The following ARHGAP42 variants were observed in gnomAD, a reference collection of about 807,000 sequenced individuals.
ARHGAP42 encodes Rho GTPase activating protein 42.
In ARHGAP42, 63 loss-of-function variants were observed where a neutral mutation model predicts 125.0. That is an observed-to-expected ratio of 0.50 (90% CI 0.41 to 0.62). ARHGAP42 has a LOEUF of 0.62. ARHGAP42 is among the 20% of genes least tolerant of loss of function. ARHGAP42 has a pLI of 0.00. For missense variants in ARHGAP42, 766 were observed against 1,024.2 expected, an observed-to-expected ratio of 0.75 and a Z score of 3.44; for synonymous variants, 339 against 351.0, an observed-to-expected ratio of 0.97 and a Z score of 0.38.
chr11:100,780,908 G>T (rs1863296430), intron 2 of ARHGAP42, among the ~76,000 whole-genome samples: 3 of 152,274 alleles, frequency 2.0e-5, no homozygotes, highest in South Asian at 4.1e-4. Context: ...AGGCATTGTT[G>T]GGTGCCTATT....
intron 21 of ARHGAP42, among the ~76,000 whole-genome samples, chr11:100,978,136 A>G (rs1472284093): frequency 6.6e-6 from 1 of 152,180 alleles, no homozygotes; most frequent in Non-Finnish European, 1.5e-5. Context: ...AGATGAGAGA[A>G]TATAAACTCC....
chr11:100,975,437 T>C (rs1356560901), intron 19 of ARHGAP42, among the ~76,000 whole-genome samples: 3 of 152,198 alleles, frequency 2.0e-5, no homozygotes, highest in Non-Finnish European at 2.9e-5. Flanking sequence ...ATTTTTCTTA[T>C]AACTTGCTTT....
chr11:100,971,506 G>T (rs1181643241), intron 17 of ARHGAP42, among the ~76,000 whole-genome samples: 2 of 152,084 alleles, frequency 1.3e-5, no homozygotes, highest in African/African-American at 2.4e-5. Context: ...ATGGTGAGTG[G>T]TGGGAGTCTG....
At chr11:100,715,544 T>C (rs1861645561) in intron 1 of ARHGAP42, among the ~76,000 whole-genome samples, 1 of 152,212 alleles carries the variant, frequency 6.6e-6, no homozygotes, top group African/African-American at 2.4e-5. Flanking sequence ...AAAGTTGCTT[T>C]GCTTAACTTG....
intron 5 of ARHGAP42, among the ~76,000 whole-genome samples, chr11:100,917,501 T>A (rs551874981): frequency 8.5e-5 from 13 of 152,130 alleles, no homozygotes; most frequent in Non-Finnish European, 1.6e-4. Context: ...CTCACCCTCT[T>A]TTCCCAAATT....
intron 1 of ARHGAP42, among the ~76,000 whole-genome samples, chr11:100,733,525 T>C (rs1264082213): frequency 2.0e-5 from 3 of 152,128 alleles, no homozygotes; most frequent in Admixed American, 2.0e-4. Context: ...TTTGTATATT[T>C]AAAATGCACT....
chr11:100,746,940 G>A (rs1862320440), intron 1 of ARHGAP42, among the ~76,000 whole-genome samples: 1 of 152,150 alleles, frequency 6.6e-6, no homozygotes, highest in African/African-American at 2.4e-5. Flanking sequence ...CTTGACTTGG[G>A]TGTGATGTGT....
chr11:100,945,609 A>C (rs1867995513), intron 10 of ARHGAP42, among the ~76,000 whole-genome samples: 1 of 152,120 alleles, frequency 6.6e-6, no homozygotes, highest in Admixed American at 6.6e-5. Flanking sequence ...ATTATTCTCC[A>C]TTTAAATCTC....
chr11:100,722,582 T>C (rs1299246364), intron 1 of ARHGAP42, among the ~76,000 whole-genome samples: 1 of 151,936 alleles, frequency 6.6e-6, no homozygotes, highest in East Asian at 1.9e-4. Flanking sequence ...TAGAGACGGG[T>C]TTCACCATGT....
intron 3 of ARHGAP42, among the ~76,000 whole-genome samples, chr11:100,795,809 C>T (rs1863696551): frequency 6.6e-6 from 1 of 152,142 alleles, no homozygotes; most frequent in Non-Finnish European, 1.5e-5. Context: ...TAGTATATAT[C>T]CCACAGGATT....
intron 6 of ARHGAP42, among the ~76,000 whole-genome samples, chr11:100,930,948 A>G (rs1023225456): frequency 2.6e-5 from 4 of 152,198 alleles, no homozygotes; most frequent in Admixed American, 6.5e-5. Context: ...GCTTAGGACT[A>G]GAAGTGTTTC....
intron 4 of ARHGAP42, among the ~76,000 whole-genome samples, chr11:100,911,882 T>G (rs2135229337): frequency 6.6e-6 from 1 of 152,300 alleles, no homozygotes; most frequent in African/African-American, 2.4e-5. Context: ...TAATAAGAAT[T>G]ATTTGAATAG....
intron 5 of ARHGAP42, among the ~76,000 whole-genome samples, chr11:100,916,976 A>G (rs1322273753): frequency 6.6e-6 from 1 of 151,818 alleles, no homozygotes; most frequent in Admixed American, 6.6e-5. Context: ...ATTGTAAACC[A>G]GAATATACAG....
intron 1 of ARHGAP42, among the ~76,000 whole-genome samples, chr11:100,689,789 A>G (rs1861156553): frequency 6.6e-6 from 1 of 152,174 alleles, no homozygotes; most frequent in Non-Finnish European, 1.5e-5. Context: ...AAAGGAAAAG[A>G]TTTTATTCCT....
chr11:100,950,536 G>A (rs1197751776), intron 12 of ARHGAP42, among the ~76,000 whole-genome samples: 2 of 151,572 alleles, frequency 1.3e-5, no homozygotes, highest in Non-Finnish European at 2.9e-5. Context: ...CATGGTATAT[G>A]TTGGAAAAGA....
chr11:100,763,578 C>G (rs905809947), intron 1 of ARHGAP42, among the ~76,000 whole-genome samples: 3 of 152,084 alleles, frequency 2.0e-5, no homozygotes, highest in Non-Finnish European at 4.4e-5. Flanking sequence ...ACCTCCGCCC[C>G]CCGGGTTCAA....
intron 4 of ARHGAP42, among the ~76,000 whole-genome samples, chr11:100,908,786 C>T (rs376219395): frequency 2.0e-5 from 3 of 152,262 alleles, no homozygotes; most frequent in Admixed American, 6.5e-5. Flanking sequence ...CTAGGTAAAA[C>T]GGTAGCTCTA....
chr11:100,980,589 T>TTTTTTTTTTTTTTTTTTTTTTG (rs1858516799), intron 22 of ARHGAP42, among the ~76,000 whole-genome samples: 1 of 114,228 alleles, frequency 8.8e-6, no homozygotes, highest in Non-Finnish European at 1.7e-5. Context: ...TTTTTTTTTT[T>TTTTTTTTTTTTTTTTTTTTTTG]GAGAAAGAGC....
At chr11:100,979,204 C>T (rs965258133) in intron 22 of ARHGAP42, among the ~76,000 whole-genome samples, 155 bp downstream of exon 22, 2 of 152,162 alleles carry the variant, frequency 1.3e-5, no homozygotes, top group Non-Finnish European at 2.9e-5. Context: ...TGTCTGTAAA[C>T]AGCATATATC....
Sources: allele counts gnomAD v4.1 joint callset (sites outside exome capture counted in the v4.1 genomes callset), GRCh38; gene constraint gnomAD v4.1.1; transcripts MANE v1.5; gene names NCBI Gene and HGNC (gene_info 2026-07-23, HGNC 2026-07-21).